DLGAP1: variants seen among roughly 807,000 people sequenced by gnomAD.
DLGAP1 encodes DLG associated protein 1.
Under a neutral mutation model 90.8 loss-of-function variants are expected in DLGAP1, and 11 were observed. The observed-to-expected ratio is 0.12, with a 90% CI of 0.08 to 0.20. The LOEUF (loss-of-function observed/expected upper bound fraction) is 0.20, where lower values mean the gene tolerates loss of function less well. DLGAP1 is among the 10% of genes least tolerant of loss of function. DLGAP1 has a pLI of 1.00. For missense variants in DLGAP1, 1,050 were observed against 1,333.8 expected, an observed-to-expected ratio of 0.79 and a Z score of 3.31; for synonymous variants, 558 against 540.7, an observed-to-expected ratio of 1.03 and a Z score of -0.44.
chr18:3,713,860 C>A (rs2061673334), intron 7 of DLGAP1, among the ~76,000 whole-genome samples: 1 of 152,064 alleles, frequency 6.6e-6, no homozygotes. Flanking sequence ...TATGGGAAAT[C>A]CAAAAATAAA....
At chr18:3,603,015 CAG>C (rs2057147189) in intron 7 of DLGAP1, 1 of 152,110 alleles carries the variant, frequency 6.6e-6, no homozygotes, top group Middle Eastern at 3.1e-3. Flanking sequence ...CACAAGAGGA[CAG>C]AGCTAAGGTG....
At chr18:4,223,976 T>C (rs1048700112) in intron 1 of DLGAP1, among the ~76,000 whole-genome samples, 3 of 152,180 alleles carry the variant, frequency 2.0e-5, no homozygotes, top group Non-Finnish European at 4.4e-5. Flanking sequence ...TAGATACAAC[T>C]TGGAAAATTC....
In DLGAP1 at chr18:4,454,652, A is replaced by G. The variant is rs575329075; in HGVS notation, c.-267+354T>C. Among the ~76,000 whole-genome samples the G allele has an allele frequency of 5.9e-5, 9 of 151,846 alleles. No individual in the cohort carries two copies. The highest frequency in any genetic ancestry group is 8.8e-5 in the Non-Finnish European group (6 of 67,902). The stretch of plus-strand genomic sequence containing the variant: ...GGTGCGAATTTGACCGGTGGACATG[A>G]CCGGGACAGGGGACCGGTGTTCTCC... On this transcript the variant is annotated intron_variant, in intron 1 of 12. Transcript: ENST00000315677. The surrounding 1 kb of genome is among the most constrained non-coding windows in gnomAD (Gnocchi z 4.7).
At chr18:4,170,818 T>G (rs2077010862) in intron 1 of DLGAP1, among the ~76,000 whole-genome samples, 1 of 152,232 alleles carries the variant, frequency 6.6e-6, no homozygotes, top group African/African-American at 2.4e-5. Flanking sequence ...TTTTCATAAC[T>G]GAAAAAGAGT....
intron 4 of DLGAP1, among the ~76,000 whole-genome samples, chr18:3,836,970 G>A (rs1433699268): frequency 6.6e-6 from 1 of 152,184 alleles, no homozygotes; most frequent in Admixed American, 6.5e-5. Context: ...GAGTTCTGGG[G>A]CTGGCTACAG....
chr18:3,709,726 G>A (rs1309571321), intron 7 of DLGAP1, among the ~76,000 whole-genome samples: 4 of 152,182 alleles, frequency 2.6e-5, no homozygotes, highest in Non-Finnish European at 4.4e-5. Context: ...GGGCAGGCAC[G>A]ATTTCCCCCA....
At chr18:4,452,359 CTCGA>C (rs760343880) in intron 1 of DLGAP1, among the ~76,000 whole-genome samples, 17 of 152,052 alleles carry the variant, frequency 1.1e-4, no homozygotes, top group African/African-American at 3.1e-4. Flanking sequence ...TGGTATTCAT[CTCGA>C]TTAAGTTGTA....
chr18:4,212,434 G>C (rs1346488719), intron 1 of DLGAP1, among the ~76,000 whole-genome samples: 2 of 151,904 alleles, frequency 1.3e-5, no homozygotes, highest in Non-Finnish European at 2.9e-5. Flanking sequence ...GGGAGGCTGA[G>C]GTGGGTGGAT....
intron 1 of DLGAP1, among the ~76,000 whole-genome samples, chr18:4,304,745 A>G (rs1279052697): frequency 6.6e-6 from 1 of 152,126 alleles, no homozygotes; most frequent in East Asian, 1.9e-4. Context: ...AGCCTGGCCA[A>G]CATGGTGAAA....
intron 4 of DLGAP1, among the ~76,000 whole-genome samples, chr18:3,866,794 C>T (rs111490139): frequency 1.4e-3 from 220 of 152,300 alleles, no homozygotes; most frequent in African/African-American, 5.1e-3. Flanking sequence ...GGGGCTGGGA[C>T]TGGAAGGAAA....
intron 5 of DLGAP1, among the ~76,000 whole-genome samples, chr18:3,743,393 C>T (rs1259905914): frequency 6.6e-6 from 1 of 151,586 alleles, no homozygotes. Context: ...CTTGCTGTGT[C>T]ACCCAGGCTG....
At chr18:4,254,968 T>A (rs1041523764) in intron 1 of DLGAP1, among the ~76,000 whole-genome samples, 4 of 152,202 alleles carry the variant, frequency 2.6e-5, no homozygotes, top group Non-Finnish European at 5.9e-5. Context: ...GAAGACACGC[T>A]GAGCCTTGAA....
chr18:3,521,713 A>T (rs1158406190), intron 10 of DLGAP1, among the ~76,000 whole-genome samples: 2 of 152,184 alleles, frequency 1.3e-5, no homozygotes, highest in Non-Finnish European at 2.9e-5. Flanking sequence ...TTCTGTTAAT[A>T]TGTCAGATTT....
rs1256135865 is a variant in DLGAP1 at position 3,579,577 on chromosome 18, G to A, written c.1965+2298C>T. 4.6e-5 allele frequency among the ~76,000 whole-genome samples: 7 copies of A among 152,188 alleles called. No individual in the cohort carries two copies. In the East Asian group the frequency reaches 1.3e-3, roughly 29 times the overall value. ...ATGGATTTATTCAACAGCAAATTGA[G>A]AAGTTATTATTCAAAGGGTACCCGC... is the stretch of plus-strand genomic sequence containing the variant. On this transcript the variant is annotated intron_variant, in intron 8 of 12. Transcript: ENST00000315677.
intron 9 of DLGAP1, among the ~76,000 whole-genome samples, chr18:3,546,886 G>C (rs2053060710): frequency 1.3e-5 from 2 of 151,144 alleles, no homozygotes; most frequent in African/African-American, 4.9e-5. Flanking sequence ...CAATGAAGGA[G>C]TAAACAGAAA....
At chr18:3,949,523 T>G (rs1468679579) in intron 3 of DLGAP1, among the ~76,000 whole-genome samples, 2 of 152,136 alleles carry the variant, frequency 1.3e-5, no homozygotes, top group Non-Finnish European at 2.9e-5. Context: ...TGGTAACAAT[T>G]CCTTCTCTTA....
intron 2 of DLGAP1, among the ~76,000 whole-genome samples, chr18:4,121,071 G>C (rs775929265): frequency 2.0e-5 from 3 of 152,150 alleles, no homozygotes; most frequent in Non-Finnish European, 2.9e-5. Flanking sequence ...ACTGGTTCAC[G>C]TGACAGAACT....
chr18:4,261,709 G>A (rs1280032059), intron 1 of DLGAP1, among the ~76,000 whole-genome samples: 2 of 152,172 alleles, frequency 1.3e-5, no homozygotes, highest in African/African-American at 4.8e-5. Context: ...CTGCTAAGCA[G>A]AGATTCTATC....
intron 5 of DLGAP1, among the ~76,000 whole-genome samples, chr18:3,760,995 C>T (rs934305894): frequency 6.6e-6 from 1 of 152,168 alleles, no homozygotes; most frequent in African/African-American, 2.4e-5. Context: ...TAACAATATC[C>T]ACCTTATGGA....
Sources: allele counts gnomAD v4.1 joint callset (sites outside exome capture counted in the v4.1 genomes callset), GRCh38; gene constraint gnomAD v4.1.1; non-coding constraint Gnocchi (gnomAD v3.1); transcripts MANE v1.5; gene names NCBI Gene and HGNC (gene_info 2026-07-23, HGNC 2026-07-21).